The following ADGRG1 variants were observed in gnomAD, a reference collection of about 807,000 sequenced individuals.
The protein encoded by ADGRG1 is adhesion G protein-coupled receptor G1.
Under a neutral mutation model 73.5 loss-of-function variants are expected in ADGRG1, and 53 were observed. The ratio of observed to expected loss-of-function variants is 0.72; its 90% CI spans 0.58 to 0.91. The LOEUF is 0.91. Among genes scored for constraint, ADGRG1 ranks in the 40% least tolerant of loss-of-function variants. ADGRG1 has a pLI of 0.00. For missense variants in ADGRG1, 795 were observed against 871.8 expected (o/e 0.91, Z 1.11); for synonymous variants, 394 against 374.4 (o/e 1.05, Z -0.60).
chr16:57,641,020 G>A, intron 1 of ADGRG1: 1 of 985,518 alleles, frequency 1.0e-6, no homozygotes, highest in Non-Finnish European at 1.2e-6. Flanking sequence ...AGGGGTCAGG[G>A]GAGACGGTTC....
intron 1 of ADGRG1, chr16:57,646,055 G>A (rs1278969730): frequency 6.6e-6 from 1 of 152,320 alleles, no homozygotes; most frequent in Non-Finnish European, 1.5e-5. Context: ...GTAAAGGGAA[G>A]AAGGAAGCAG....
At chr16:57,632,133 A>G in intron 1 of ADGRG1, 1 of 985,462 alleles carries the variant, frequency 1.0e-6, no homozygotes, top group Non-Finnish European at 1.2e-6. Context: ...GGGGAGGCTT[A>G]CCCAGTGAGC....
intron 12 of ADGRG1, 43 bp from the exon 13 acceptor site, chr16:57,661,654 C>A (rs748677727): frequency 1.3e-5 from 20 of 1,589,228 alleles, no homozygotes; most frequent in Middle Eastern, 1.8e-4. Context: ...GGAAATGCTG[C>A]CCGTGCTGGC....
chr16:57,648,608 C>T (rs1432814177), intron 1 of ADGRG1: 8 of 984,888 alleles, frequency 8.1e-6, no homozygotes, highest in Non-Finnish European at 9.6e-6. Flanking sequence ...TAATGCTGCT[C>T]TCAATGATTT....
intron 1 of ADGRG1, chr16:57,641,580 T>C (rs1414868628): frequency 1.9e-5 from 19 of 979,236 alleles, no homozygotes; most frequent in Non-Finnish European, 2.3e-5. Flanking sequence ...TTTTTTTTTT[T>C]TTTGAGACAG....
At chr16:57,623,939 C>T, upstream of ADGRG1, 2 of 485,484 alleles carry the variant, frequency 4.1e-6, no homozygotes, top group Non-Finnish European at 5.4e-6. Context: ...AAGTTCCTCT[C>T]TCTGAGCCTC....
At chr16:57,660,383 C>A in intron 11 of ADGRG1, 1 of 985,068 alleles carries the variant, frequency 1.0e-6, no homozygotes, top group Non-Finnish European at 1.2e-6. Flanking sequence ...CTAATCTCCA[C>A]CGAACGGGCG....
chr16:57,630,120 A>G, intron 1 of ADGRG1: 1 of 623,750 alleles, frequency 1.6e-6, no homozygotes, highest in Non-Finnish European at 2.0e-6. Context: ...GCCGTGGGTG[A>G]GGCAAATAAG....
In ADGRG1 at chr16:57,650,471, G is replaced by C. The variant is rs1597444842; in HGVS notation, c.64+120G>C. 9 of 1,571,414 alleles carry C rather than the reference G, an allele frequency of 5.7e-6. No homozygotes were observed. The East Asian group carries it at 2.1e-4, about 36-fold the overall frequency. ...GGCAGTTACAGCTCGGCTAGTGGAGGGTACCTTGGAGAAAAGCAAAAGACA... is the reference window on the plus strand; with the variant it reads ...GGCAGTTACAGCTCGGCTAGTGGAGCGTACCTTGGAGAAAAGCAAAAGACA... On this transcript the variant is annotated intron_variant, in intron 2 of 13. Coordinates refer to ENST00000562631, the MANE Select transcript of ADGRG1 (RefSeq NM_201525.4).
At position 57,650,313 on chromosome 16, in the gene ADGRG1, C is replaced by T. The variant is rs200241873; in HGVS notation, c.26C>T (p.Thr9Met). The T allele has an allele frequency of 1.1e-4, 173 of 1,613,480 alleles. No homozygotes were observed. The East Asian group carries it at 1.8e-3, about 17-fold the overall frequency. ...ATGACTCCCCAGTCGCTGCTGCAGACGACACTGTTCCTGCTGAGTCTGCTC... is the reference window on the plus strand; with the variant it reads ...ATGACTCCCCAGTCGCTGCTGCAGATGACACTGTTCCTGCTGAGTCTGCTC... MTPQSLLQ[T>M]TLFLLSLLFL... The change falls in exon 2 of 14, where the codon ACG becomes ATG. Residue 9 changes from threonine (T) to methionine (M), a missense_variant. Physicochemically the swap from Thr to Met is moderately conservative, Grantham distance 81 (BLOSUM62 -1). Coordinates refer to ENST00000562631, the MANE Select transcript of ADGRG1 (RefSeq NM_201525.4).
chr16:57,649,321 G>C (rs920443763), intron 1 of ADGRG1, among the ~76,000 whole-genome samples: 1 of 152,214 alleles, frequency 6.6e-6, no homozygotes, highest in East Asian at 1.9e-4. Flanking sequence ...TGTACAGCCA[G>C]GGCCTGCCCA....
At chr16:57,643,085 A>G (rs1338513576) in intron 1 of ADGRG1, 1 of 152,186 alleles carries the variant, frequency 6.6e-6, no homozygotes, top group African/African-American at 2.4e-5. Context: ...ACTGCACCAG[A>G]TAAGACCCCT....
At chr16:57,643,887 C>T in intron 1 of ADGRG1, 1 of 727,456 alleles carries the variant, frequency 1.4e-6, no homozygotes, top group Non-Finnish European at 1.6e-6. Flanking sequence ...ATGGGTGCGG[C>T]TGAGGGGTGG....
intron 1 of ADGRG1, chr16:57,647,068 G>C: frequency 1.4e-6 from 1 of 699,194 alleles, no homozygotes; most frequent in Non-Finnish European, 1.7e-6. Context: ...CGCCTGGGTG[G>C]GTGGGTGGGC....
chr16:57,622,123 TA>T (rs5817102), intron 2 of ADGRG1: 211 of 119,076 alleles, frequency 1.8e-3, no homozygotes, highest in Middle Eastern at 9.5e-3. Context: ...ATCCCGTCTC[TA>T]AAAAAAAAAA....
chr16:57,643,907 G>A, intron 1 of ADGRG1: 3 of 974,210 alleles, frequency 3.1e-6, no homozygotes, highest in Non-Finnish European at 2.4e-6. Flanking sequence ...GGGGGACTGG[G>A]CTGGGGGTGG....
intron 2 of ADGRG1, 44 bp from the exon 3 acceptor site, chr16:57,651,156 C>G: frequency 6.2e-7 from 1 of 1,612,250 alleles, no homozygotes. Context: ...TGCCTCTGGT[C>G]AGCCCCTGCC....
At chr16:57,644,087 C>A (rs2041583655) in intron 1 of ADGRG1, 1 of 985,268 alleles carries the variant, frequency 1.0e-6, no homozygotes, top group Non-Finnish European at 1.2e-6. Context: ...CCTGCAAGAG[C>A]CCTGCTCTTT....
upstream of ADGRG1, among the ~76,000 whole-genome samples, chr16:57,625,234 C>A (rs919127165): frequency 1.3e-5 from 2 of 152,212 alleles, no homozygotes; most frequent in Non-Finnish European, 2.9e-5. Flanking sequence ...TGAGCCCCAA[C>A]GACGTGTTTC....
Sources: gnomAD v4.1 joint callset for allele counts (sites outside exome capture counted in the v4.1 genomes callset) on GRCh38, gnomAD v4.1.1 for gene constraint, MANE v1.5 for transcripts, NCBI Gene and HGNC (gene_info 2026-07-23, HGNC 2026-07-21) for gene names.